The following SUSD1 variants were observed in gnomAD, a reference collection of about 807,000 sequenced individuals.
The protein encoded by SUSD1 is sushi domain containing 1.
In SUSD1, 65 loss-of-function variants were observed where a neutral mutation model predicts 86.9. The ratio of observed to expected loss-of-function variants is 0.75; its 90% CI spans 0.61 to 0.92. SUSD1 has a LOEUF of 0.92. Ranked by LOEUF, SUSD1 falls within the 40% of genes least tolerant of loss-of-function variation. The pLI, the probability that SUSD1 is intolerant of heterozygous loss-of-function variation, is 0.00. For missense variants in SUSD1, 850 were observed against 929.7 expected (o/e 0.91, Z 1.11); for synonymous variants, 346 against 350.0 (o/e 0.99, Z 0.13).
In SUSD1 at chr9:112,048,661, T is replaced by A. The variant is rs1012283219; in HGVS notation, c.2149+3738A>T. ...AGTAGTAGAAGACAGACAAAACAAGTGCACACCCATTGCTCTAAAATATAG... is the reference window on the plus strand; with the variant it reads ...AGTAGTAGAAGACAGACAAAACAAGAGCACACCCATTGCTCTAAAATATAG... On this transcript the variant is annotated intron_variant, in intron 15 of 16. Coordinates refer to ENST00000374270, the MANE Select transcript of SUSD1 (RefSeq NM_022486.5). Among the ~76,000 whole-genome samples, 4 of 152,160 alleles carry A rather than the reference T, an allele frequency of 2.6e-5. 1 individual carries two copies. The highest frequency in any genetic ancestry group is 2.0e-4 in the Admixed American group (3 of 15,266).
At chr9:112,075,838 G>A (rs1332737882) in intron 12 of SUSD1, among the ~76,000 whole-genome samples, 1 of 152,230 alleles carries the variant, frequency 6.6e-6, no homozygotes, top group Non-Finnish European at 1.5e-5. Flanking sequence ...GTGGAGGCTG[G>A]TGATGGCAGT....
intron 10 of SUSD1, among the ~76,000 whole-genome samples, chr9:112,080,620 G>A (rs777758058): frequency 5.3e-5 from 8 of 151,798 alleles, no homozygotes; most frequent in Middle Eastern, 3.4e-3. Flanking sequence ...CCTGGGAGGC[G>A]GGGGTTGCAG....
chr9:112,107,151 G>T (rs1179453351), intron 8 of SUSD1, among the ~76,000 whole-genome samples: 2 of 150,938 alleles, frequency 1.3e-5, no homozygotes, highest in African/African-American at 2.4e-5. Context: ...AGCTACTTGG[G>T]AGCTGAGGTG....
intron 2 of SUSD1, among the ~76,000 whole-genome samples, chr9:112,156,206 G>C (rs1204735318): frequency 6.6e-6 from 1 of 151,390 alleles, no homozygotes; most frequent in Non-Finnish European, 1.5e-5. Context: ...GCTGACGCTT[G>C]TAATCCCAGC....
chr9:112,161,311 C>G (rs998891262), intron 1 of SUSD1, among the ~76,000 whole-genome samples: 4 of 150,656 alleles, frequency 2.7e-5, no homozygotes, highest in Admixed American at 6.6e-5. Flanking sequence ...ACCCTGGAGG[C>G]AGAGGTTGCA....
intron 3 of SUSD1, 118 bp from the exon 4 acceptor site, chr9:112,143,741 C>T (rs969645933): frequency 9.0e-5 from 90 of 1,002,506 alleles, no homozygotes; most frequent in Non-Finnish European, 1.2e-4. Flanking sequence ...TAAAAAGATG[C>T]ATTTGTTTGC....
At chr9:112,141,245 T>C (rs747352246) in intron 5 of SUSD1, among the ~76,000 whole-genome samples, 6 of 152,250 alleles carry the variant, frequency 3.9e-5, no homozygotes, top group Non-Finnish European at 7.3e-5. Flanking sequence ...TTATGATGGC[T>C]ACGATGTCAC....
chr9:112,078,143 G>A (rs77530474), intron 12 of SUSD1, among the ~76,000 whole-genome samples: 11,994 of 152,116 alleles, frequency 0.079, 567 homozygotes, highest in Non-Finnish European at 0.11. Context: ...CCAGGAGTTC[G>A]AGACCAGCCT....
intron 15 of SUSD1, among the ~76,000 whole-genome samples, chr9:112,046,773 G>C (rs190568206): frequency 1.1e-4 from 17 of 152,264 alleles, no homozygotes; most frequent in Admixed American, 9.1e-4. Flanking sequence ...CTATTCTAGG[G>C]TCTTCTCACT....
intron 12 of SUSD1, among the ~76,000 whole-genome samples, chr9:112,066,592 G>A (rs1052653171): frequency 1.3e-5 from 2 of 152,182 alleles, no homozygotes; most frequent in African/African-American, 4.8e-5. Flanking sequence ...CTGCAACCCT[G>A]TAATCGCGAA....
chr9:112,067,794 G>A (rs1038280626), intron 12 of SUSD1, among the ~76,000 whole-genome samples: 4 of 152,048 alleles, frequency 2.6e-5, no homozygotes, highest in Non-Finnish European at 5.9e-5. Flanking sequence ...AAAAACATAT[G>A]TATGAATGCC....
chr9:112,136,826 T>G (rs1589707092), intron 5 of SUSD1, among the ~76,000 whole-genome samples: 1 of 152,328 alleles, frequency 6.6e-6, no homozygotes, highest in East Asian at 1.9e-4. Flanking sequence ...TTTGTAGAGA[T>G]AAATCAGGCT....
intron 10 of SUSD1, among the ~76,000 whole-genome samples, chr9:112,087,586 A>T (rs1166752730): frequency 6.6e-6 from 1 of 152,198 alleles, no homozygotes; most frequent in Non-Finnish European, 1.5e-5. Context: ...ATCACATTAG[A>T]AATAATAAAG....
chr9:112,068,568 G>C (rs1829095935), intron 12 of SUSD1, among the ~76,000 whole-genome samples: 1 of 152,000 alleles, frequency 6.6e-6, no homozygotes, highest in African/African-American at 2.4e-5. Flanking sequence ...CAGGCACAGT[G>C]GTGTACACCT....
At chr9:112,139,621 TCCTGGGCTCAAGCTATCTGCCTG>T (rs1832470335) in intron 5 of SUSD1, among the ~76,000 whole-genome samples, 3 of 151,920 alleles carry the variant, frequency 2.0e-5, no homozygotes, top group Admixed American at 2.0e-4. Flanking sequence ...GGTCTTGAAC[TCCTGGGCTCAAGCTATCTGCCTG>T]CCTGGGCCTC....
chr9:112,052,381 G>A lies in SUSD1; in HGVS notation c.2149+18C>T. ...AAAAGAAATAAGGACAGCATTCATA[G>A]GCAGAAAATAATTTTACCTTTCACC... On this transcript the variant is annotated intron_variant, in intron 15 of 16. Coordinates refer to ENST00000374270, the MANE Select transcript of SUSD1 (RefSeq NM_022486.5). 2.5e-6 allele frequency: 4 copies of A among 1,613,908 alleles called. No homozygotes were observed. The highest frequency in any genetic ancestry group is 1.3e-5 in the African/African-American group (1 of 75,034).
chr9:112,174,641 CTT>C (rs1209293278), intron 1 of SUSD1, among the ~76,000 whole-genome samples: 1 of 152,236 alleles, frequency 6.6e-6, no homozygotes, highest in African/African-American at 2.4e-5. Flanking sequence ...CCTTACGCGT[CTT>C]TCTCACCATA....
At chr9:112,107,755 G>A (rs921585890) in intron 8 of SUSD1, among the ~76,000 whole-genome samples, 3 of 152,042 alleles carry the variant, frequency 2.0e-5, no homozygotes, top group South Asian at 2.1e-4. Context: ...TGTTACTAGC[G>A]AAAGAATCTA....
rs184356692 is a variant in SUSD1, at chr9:112,069,143, G to A, written c.1754-6110C>T. On this transcript the variant is annotated intron_variant, in intron 12 of 16. Coordinates refer to ENST00000374270, the MANE Select transcript of SUSD1 (RefSeq NM_022486.5). Reference sequence around the variant, plus strand: ...ATCAAAGTATGTGAGGAGAGATGGGGGCCAAGGGCGGACCACCGAGAAACC... The same window carrying A: ...ATCAAAGTATGTGAGGAGAGATGGGAGCCAAGGGCGGACCACCGAGAAACC... Among the ~76,000 whole-genome samples the A allele has an allele frequency of 9.0e-5, 6 of 66,976 alleles. No individual in the cohort carries two copies. In the East Asian group the frequency reaches 1.7e-3, roughly 19 times the overall value. 43.9% of individuals were successfully genotyped at this position (66,976 alleles called of 152,430 possible).
Sources: allele counts gnomAD v4.1 joint callset (sites outside exome capture counted in the v4.1 genomes callset), GRCh38; gene constraint gnomAD v4.1.1; transcripts MANE v1.5; gene names NCBI Gene and HGNC (gene_info 2026-07-23, HGNC 2026-07-21).